The following NUP188 variants were observed in gnomAD, a reference collection of about 807,000 sequenced individuals.
NUP188 encodes nucleoporin NUP188.
In NUP188, 97 loss-of-function variants were observed where a neutral mutation model predicts 223.0. That is an observed-to-expected ratio of 0.43 (90% CI 0.37 to 0.51). The LOEUF is 0.51. Among genes scored for constraint, NUP188 ranks in the 20% least tolerant of loss-of-function variants. NUP188 has a pLI of 0.00. For missense variants in NUP188, 1,947 were observed against 2,175.6 expected (o/e 0.89, Z 2.09); for synonymous variants, 869 against 828.0 (o/e 1.05, Z -0.85).
At position 129,006,372 on chromosome 9, in the gene NUP188, C is replaced by T. The variant is rs774892398; in HGVS notation, c.5073+4C>T. 35 of 1,614,152 alleles carry T rather than the reference C, an allele frequency of 2.2e-5. No homozygotes were observed. The highest frequency in any genetic ancestry group is 9.9e-5 in the South Asian group (9 of 91,064). ...GCAGGAGCTCAGCTCTGAGTTGGTA[C>T]GGATGGATAGGGATACGGAGGGCTG... On this transcript the variant is annotated splice_donor_region_variant and intron_variant, in intron 43 of 43. Coordinates refer to ENST00000372577, the MANE Select transcript of NUP188 (RefSeq NM_015354.3).
At chr9:128,983,862 C>T (rs761302420) in intron 19 of NUP188, among the ~76,000 whole-genome samples, 38 of 152,020 alleles carry the variant, frequency 2.5e-4, no homozygotes, top group African/African-American at 7.7e-4. Flanking sequence ...GCTCTGTTAC[C>T]GAGGCCAGAG....
At chr9:129,005,101 G>T (rs764034899) in intron 38 of NUP188, 46 bp from the exon 39 acceptor site, 2 of 1,494,374 alleles carry the variant, frequency 1.3e-6, no homozygotes, top group Non-Finnish European at 1.9e-6. Flanking sequence ...TGGGTGACTG[G>T]GCTGCTGACA....
intron 4 of NUP188, 127 bp downstream of exon 4, chr9:128,956,561 G>A: frequency 1.8e-6 from 1 of 562,008 alleles, no homozygotes; most frequent in Non-Finnish European, 3.1e-6. Flanking sequence ...TAAATACCCA[G>A]GTTGCAACTC....
At position 129,006,396 on chromosome 9, in the gene NUP188, T is replaced by A. The variant is rs370305533; in HGVS notation, c.5073+28T>A. 6.8e-6 allele frequency: 11 copies of A among 1,614,054 alleles called. No individual in the cohort carries two copies. In the African/African-American group the frequency reaches 1.2e-4, roughly 18 times the overall value. ...ACGGATGGATAGGGATACGGAGGGC[T>A]GGACCAATAGGGCCAGAGCCCTGTG... On this transcript the variant is annotated intron_variant, in intron 43 of 43. Transcript: ENST00000372577.
chr9:128,973,281 A>G, intron 12 of NUP188, 32 bp downstream of exon 12: 2 of 1,494,880 alleles, frequency 1.3e-6, no homozygotes, highest in Non-Finnish European at 1.9e-6. Context: ...AGCTGTCTCT[A>G]CTGCCCAGCT....
Position 129,006,255 on chromosome 9 carries a change from A to C in NUP188, c.4960A>C (p.Thr1654Pro). The change falls in exon 43 of 44, where the codon ACC (threonine) becomes CCC (proline). Residue 1654 changes from threonine (T) to proline (P), a missense_variant. Physicochemically the swap from Thr to Pro is conservative, Grantham distance 38. Around this residue, in one of 3 missense-constraint regions of NUP188, gnomAD observed 905 missense variants for 990.6 expected, o/e 0.91. Coordinates refer to ENST00000372577, the MANE Select transcript of NUP188 (RefSeq NM_015354.3). ...TCCTCCCAGGTCCCTCCTGATGTTTACCATGGAAAACTGCTTCTACCTGCT... is the reference window on the plus strand; with the variant it reads ...TCCTCCCAGGTCCCTCCTGATGTTTCCCATGGAAAACTGCTTCTACCTGCT... The part of the protein sequence containing the change: ...TRTLKSLLMF[T>P]MENCFYLLIS... 1.9e-6 allele frequency: 3 copies of C among 1,614,116 alleles called. No homozygotes were observed. Among genetic ancestry groups the C allele is most frequent in the Non-Finnish European group, 2.5e-6 (3 of 1,180,020 alleles).
At position 128,958,855 on chromosome 9, in the gene NUP188, C is replaced by T. The variant is rs1480414493; in HGVS notation, c.426C>T (p.His142=). The T allele has an allele frequency of 4.4e-6, 7 of 1,602,574 alleles. No homozygotes were observed. The highest frequency in any genetic ancestry group is 6.0e-6 in the Non-Finnish European group (7 of 1,172,854). ...CCTGTATTCTTCGTTGTGTCTTACA[C>T]CTTCTCACTTACTTCCAAGATGAAA... The part of the protein sequence containing the change: ...ERTCILRCVL[H]LLTYFQDERH... The change falls in exon 7 of 44, where the codon CAC becomes CAT. Residue 142 remains histidine (H), a synonymous_variant. Coordinates refer to ENST00000372577, the MANE Select transcript of NUP188 (RefSeq NM_015354.3).
intron 17 of NUP188, 124 bp from the exon 18 acceptor site, chr9:128,983,169 G>A: frequency 1.4e-6 from 2 of 1,418,130 alleles, no homozygotes; most frequent in Non-Finnish European, 2.0e-6. Context: ...TATCTGTGAG[G>A]GTTTTCCTGT....
intron 38 of NUP188, chr9:129,004,850 G>T: frequency 2.2e-6 from 1 of 455,662 alleles, no homozygotes; most frequent in Non-Finnish European, 4.0e-6. Context: ...CACCTAGCTG[G>T]GTCTCAGGGA....
chr9:128,995,428 A>C lies in NUP188; in HGVS notation c.3265A>C (p.Thr1089Pro). The C allele has an allele frequency of 1.2e-6, 2 of 1,613,930 alleles. No individual in the cohort carries two copies. The highest frequency in any genetic ancestry group is 1.7e-6 in the Non-Finnish European group (2 of 1,179,944). Residue 1089 changes from threonine to proline, a missense_variant, in exon 30 of 44, where the codon ACA becomes CCA. Coordinates refer to ENST00000372577, the MANE Select transcript of NUP188 (RefSeq NM_015354.3). Reference protein sequence around the residue: ...VKSLAVHVAETEGSSCTSLLE... With the variant: ...VKSLAVHVAEPEGSSCTSLLE... Reference sequence around the variant, plus strand: ...GTCATTGGCAGTTCACGTGGCCGAAACAGAAGGCAGCAGCTGCACCTCCTT... The same window carrying C: ...GTCATTGGCAGTTCACGTGGCCGAACCAGAAGGCAGCAGCTGCACCTCCTT...
rs1842094939 is a variant in NUP188, at chr9:128,970,815, T to G, written c.970T>G (p.Leu324Val). 1 of 1,614,100 alleles carries G rather than the reference T, an allele frequency of 6.2e-7. No homozygotes were observed. The highest frequency in any genetic ancestry group is 1.3e-5 in the African/African-American group (1 of 74,928). ...GDIPHHAPVLLAWALLRHTLN... is the reference protein window; with the variant it reads ...GDIPHHAPVLVAWALLRHTLN... ...CATTCCACATCATGCCCCAGTGCTTTTGGCCTGGGCTCTCCTCCGTCACAC... is the reference window on the plus strand; with the variant it reads ...CATTCCACATCATGCCCCAGTGCTTGTGGCCTGGGCTCTCCTCCGTCACAC... The change falls in exon 11 of 44, where the codon TTG becomes GTG. Residue 324 changes from leucine to valine, a missense_variant. By Grantham distance (32) the Leu-to-Val change is conservative. Around this residue, in one of 3 missense-constraint regions of NUP188, gnomAD observed 817 missense variants for 865.8 expected, o/e 0.94. Transcript: ENST00000372577.
chr9:128,980,503 A>G, intron 13 of NUP188, 103 bp from the exon 14 acceptor site: 3 of 1,204,764 alleles, frequency 2.5e-6, no homozygotes, highest in Non-Finnish European at 3.5e-6. Flanking sequence ...TCTGTCTAAA[A>G]GGAAGGATTA....
intron 8 of NUP188, among the ~76,000 whole-genome samples, chr9:128,964,881 T>C (rs1842006859): frequency 6.6e-6 from 1 of 151,884 alleles, no homozygotes; most frequent in African/African-American, 2.4e-5. Context: ...TAATTTGTGT[T>C]ATTTTTAGTA....
At chr9:129,003,505 G>A in intron 38 of NUP188, 51 bp downstream of exon 38, 1 of 1,595,610 alleles carries the variant, frequency 6.3e-7, no homozygotes, top group Non-Finnish European at 8.5e-7. Flanking sequence ...TTGGAGACAG[G>A]GAGGCTGTGA....
intron 34 of NUP188, among the ~76,000 whole-genome samples, chr9:129,000,626 C>T (rs1842631173): frequency 6.6e-6 from 1 of 151,998 alleles, no homozygotes; most frequent in Admixed American, 6.6e-5. Context: ...CCACAACCAG[C>T]ATTTTTTTAA....
chr9:128,992,886 G>C (rs2146293), intron 25 of NUP188, among the ~76,000 whole-genome samples: 59,659 of 152,010 alleles, frequency 0.39, 11,923 homozygotes, highest in African/African-American at 0.44. Context: ...GTATTCTATC[G>C]TTGCTGCAAG....
intron 38 of NUP188, 23 bp downstream of exon 38, chr9:129,003,477 T>C (rs369905897): frequency 7.5e-6 from 12 of 1,605,094 alleles, no homozygotes; most frequent in African/African-American, 2.7e-5. Context: ...GATGGTGTCT[T>C]GGAGTCTGGG....
intron 4 of NUP188, 124 bp downstream of exon 4, chr9:128,956,558 C>G: frequency 1.8e-6 from 1 of 565,162 alleles, no homozygotes; most frequent in Non-Finnish European, 3.0e-6. Flanking sequence ...TTATAAATAC[C>G]CAGGTTGCAA....
intron 7 of NUP188, 40 bp from the exon 8 acceptor site, chr9:128,958,975 T>C (rs931403737): frequency 1.2e-5 from 18 of 1,444,078 alleles, no homozygotes; most frequent in Non-Finnish European, 1.7e-5. Context: ...AATATTTACC[T>C]TTTATTCTAG....
Sources: allele counts gnomAD v4.1 joint callset (sites outside exome capture counted in the v4.1 genomes callset), GRCh38; gene constraint gnomAD v4.1.1; regional missense constraint gnomAD v4.1.1; transcripts MANE v1.5; gene names NCBI Gene and HGNC (gene_info 2026-07-23, HGNC 2026-07-21).